DACH2: variants seen among roughly 807,000 people sequenced by gnomAD.
DACH2 encodes dachshund family transcription factor 2, also known as dachshund homolog 2.
DACH2 carries 17 observed loss-of-function variants against 35.8 expected under a neutral mutation model. That is an observed-to-expected ratio of 0.48 (90% CI 0.33 to 0.71). The LOEUF (loss-of-function observed/expected upper bound fraction) is 0.71. Ranked by LOEUF, DACH2 falls within the 30% of genes least tolerant of loss-of-function variation. The probability of loss-of-function intolerance (pLI) is 0.02; values close to 1 mark genes in which losing one functional copy is unlikely to be tolerated. For synonymous variants in DACH2, 195 were observed against 177.3 expected, an observed-to-expected ratio of 1.10 and a Z score of -0.79; for missense variants, 469 against 472.7, an observed-to-expected ratio of 0.99 and a Z score of 0.07.
intron 7 of DACH2, among the ~76,000 whole-genome samples, chrX:86,809,709 G>T (rs2042377411): frequency 1.8e-5 from 2 of 110,888 alleles, no homozygotes; most frequent in African/African-American, 6.6e-5. Flanking sequence ...CTTTTTCTAG[G>T]ACTAGGAAAT....
intron 1 of DACH2, among the ~76,000 whole-genome samples, chrX:86,316,544 T>A (rs9699349): frequency 9.0e-6 from 1 of 110,906 alleles, no homozygotes; most frequent in African/African-American, 3.3e-5. Flanking sequence ...ACTTGAACTG[T>A]CTACCCAAAT....
intron 1 of DACH2, among the ~76,000 whole-genome samples, chrX:86,172,660 G>A (rs968145240): frequency 8.9e-6 from 1 of 111,940 alleles, no homozygotes; most frequent in Non-Finnish European, 1.9e-5. Context: ...TGATGGGCTT[G>A]AGCAAACAAA....
At chrX:86,748,153 C>T (rs1200002712) in intron 7 of DACH2, among the ~76,000 whole-genome samples, 1 of 112,032 alleles carries the variant, frequency 8.9e-6, no homozygotes, top group Non-Finnish European at 1.9e-5. Flanking sequence ...TGACTTCCTC[C>T]ACTGAAGTCT....
At chrX:86,395,538 TC>T (rs891294162) in intron 2 of DACH2, among the ~76,000 whole-genome samples, 1 of 110,224 alleles carries the variant, frequency 9.1e-6, no homozygotes, top group African/African-American at 3.3e-5. Flanking sequence ...CCTTCCTTCC[TC>T]CCCCCACCCC....
At chrX:86,662,213 T>C (rs984319840) in intron 4 of DACH2, among the ~76,000 whole-genome samples, 3 of 111,405 alleles carry the variant, frequency 2.7e-5, no homozygotes, top group African/African-American at 6.5e-5. Flanking sequence ...TCTGGTCACA[T>C]ATGGGGTAAG....
chrX:86,537,864 C>T (rs2038824831), intron 3 of DACH2, among the ~76,000 whole-genome samples: 2 of 111,412 alleles, frequency 1.8e-5, no homozygotes, highest in African/African-American at 3.3e-5. Flanking sequence ...GTGAAAATGG[C>T]CGGTTCCTGC....
At chrX:86,695,319 A>AGGGAAAGTG in intron 5 of DACH2, 140 bp downstream of exon 5, 1 of 442,967 alleles carries the variant, frequency 2.3e-6, no homozygotes, top group Non-Finnish European at 3.4e-6. Flanking sequence ...GGAGGTAAAG[A>AGGGAAAGTG]AGGACTCACT....
chrX:86,231,005 T>C (rs1271149352), intron 1 of DACH2, among the ~76,000 whole-genome samples: 1 of 112,551 alleles, frequency 8.9e-6, no homozygotes, highest in Non-Finnish European at 1.9e-5. Context: ...TGATCTTGGT[T>C]ATTCCCTTTC....
chrX:86,467,710 T>C (rs2037695532), intron 2 of DACH2, among the ~76,000 whole-genome samples: 1 of 111,422 alleles, frequency 9.0e-6, no homozygotes, highest in Admixed American at 9.6e-5. Flanking sequence ...GAGTAATTTA[T>C]AAAGGAAAGC....
intron 4 of DACH2, among the ~76,000 whole-genome samples, chrX:86,680,018 T>C (rs2040863119): frequency 9.0e-6 from 1 of 111,590 alleles, no homozygotes; most frequent in Non-Finnish European, 1.9e-5. Flanking sequence ...GTTTATATTC[T>C]ACTCCCTCTC....
chrX:86,340,031 T>C (rs16980540), intron 1 of DACH2, among the ~76,000 whole-genome samples: 23,993 of 111,284 alleles, frequency 0.22, 3,276 homozygotes, highest in African/African-American at 0.5. Flanking sequence ...AAAAAGCTTT[T>C]GAAATCTTTA....
chrX:86,301,806 C>T (rs1397439817), intron 1 of DACH2, among the ~76,000 whole-genome samples: 1 of 111,643 alleles, frequency 9.0e-6, no homozygotes, highest in Non-Finnish European at 1.9e-5. Flanking sequence ...TATTAATTGT[C>T]CTGAATATGG....
chrX:86,774,046 A>T (rs1163319160), intron 7 of DACH2, among the ~76,000 whole-genome samples: 2 of 111,760 alleles, frequency 1.8e-5, no homozygotes, highest in African/African-American at 6.5e-5. Flanking sequence ...ATTCTCACCA[A>T]CAGTGTACAA....
At chrX:86,205,047 T>C (rs1036768929) in intron 1 of DACH2, among the ~76,000 whole-genome samples, 2 of 112,059 alleles carry the variant, frequency 1.8e-5, no homozygotes, top group Admixed American at 1.9e-4. Context: ...GTTAGAATAA[T>C]TTGCTGCTTA....
chrX:86,184,351 G>A, intron 1 of DACH2: 1 of 139,363 alleles, frequency 7.2e-6, no homozygotes, highest in Non-Finnish European at 1.4e-5. Context: ...GGAATTACAG[G>A]TACATGCCAC....
At chrX:86,750,996 A>T (rs1371506513) in intron 7 of DACH2, among the ~76,000 whole-genome samples, 3 of 111,224 alleles carry the variant, frequency 2.7e-5, no homozygotes, top group African/African-American at 9.8e-5. Context: ...TTATGTTTTA[A>T]AAATATATTT....
At chrX:86,383,536 CG>C (rs1180952778) in intron 2 of DACH2, among the ~76,000 whole-genome samples, 2 of 101,523 alleles carry the variant, frequency 2.0e-5, no homozygotes. Context: ...ACCATGGACA[CG>C]TTTGTCTTGA....
intron 1 of DACH2, among the ~76,000 whole-genome samples, chrX:86,275,867 G>T (rs952974094): frequency 1.8e-4 from 20 of 112,124 alleles, no homozygotes; most frequent in African/African-American, 6.1e-4. Flanking sequence ...TACCCATGTT[G>T]TTGCAAATGA....
intron 1 of DACH2, among the ~76,000 whole-genome samples, chrX:86,317,555 CTCT>C (rs773248936): frequency 6.2e-5 from 7 of 112,242 alleles, no homozygotes; most frequent in Admixed American, 9.5e-5. Context: ...GATAATTTTT[CTCT>C]TTAGTCCTCA....
Sources: gnomAD v4.1 joint callset for allele counts (sites outside exome capture counted in the v4.1 genomes callset) on GRCh38, gnomAD v4.1.1 for gene constraint, MANE v1.5 for transcripts, NCBI Gene and HGNC (gene_info 2026-07-23, HGNC 2026-07-21) for gene names.